Variants in FAM120A observed in about 807,000 individuals in gnomAD.
FAM120A encodes family with sequence similarity 120 member A.
FAM120A carries 15 observed loss-of-function variants against 109.7 expected under a neutral mutation model. That is an observed-to-expected ratio of 0.14 (90% CI 0.09 to 0.21). FAM120A has a LOEUF of 0.21. Among genes scored for constraint, FAM120A ranks in the 10% least tolerant of loss-of-function variants. The pLI is 1.00. For synonymous variants in FAM120A, 493 were observed against 572.8 expected (o/e 0.86, Z 1.99); for missense variants, 899 against 1,439.3 (o/e 0.62, Z 6.07).
At chr9:93,517,819 C>A (rs1314511303) in intron 7 of FAM120A, among the ~76,000 whole-genome samples, 1 of 151,998 alleles carries the variant, frequency 6.6e-6, no homozygotes, top group Non-Finnish European at 1.5e-5. Flanking sequence ...TGTGAGTTGC[C>A]CATCTAATTT....
Position 93,556,471 on chromosome 9 carries a change from A to G in FAM120A, c.2364A>G (p.Gly788=). ...DMALFANDAC[G]QPIPWEHCCP... Reference sequence around the variant, plus strand: ...CCTTGTTTGCAAATGATGCATGCGGACAGCCAATCCCCTGGGAACACTGTT... The same window carrying G: ...CCTTGTTTGCAAATGATGCATGCGGGCAGCCAATCCCCTGGGAACACTGTT... The change falls in exon 13 of 18, where the codon GGA becomes GGG. Residue 788 remains glycine, a synonymous_variant. Coordinates refer to ENST00000277165, the MANE Select transcript of FAM120A (RefSeq NM_014612.5). 6.2e-7 allele frequency: 1 copy of G among 1,614,212 alleles called. No individual in the cohort carries two copies. Among genetic ancestry groups the G allele is most frequent in the Non-Finnish European group, 8.5e-7 (1 of 1,180,048 alleles).
rs943444812 is a variant in FAM120A, at chr9:93,497,345, A to G, written c.805-126A>G. On this transcript the variant is annotated intron_variant, in intron 3 of 17. Transcript: ENST00000277165. Reference sequence around the variant, plus strand: ...CTTAGGGCCAAGATCTTACAAGTGGACAATCATTGGGCACTGATAAGATCT... The same window carrying G: ...CTTAGGGCCAAGATCTTACAAGTGGGCAATCATTGGGCACTGATAAGATCT... The G allele has an allele frequency of 4.2e-6, 5 of 1,200,458 alleles. No homozygotes were observed. The African/African-American group carries it at 4.6e-5, about 11-fold the overall frequency. The allele number at this position is 1,200,458 out of a possible 1,614,324, so 74.4% of individuals were successfully genotyped here.
chr9:93,537,251 G>A (rs890012548), intron 10 of FAM120A, among the ~76,000 whole-genome samples: 6 of 152,180 alleles, frequency 3.9e-5, no homozygotes, highest in Admixed American at 3.9e-4. Context: ...CCCAGTCACT[G>A]GGGTTCTTTC....
At chr9:93,537,376 G>T (rs550478747) in intron 10 of FAM120A, among the ~76,000 whole-genome samples, 2 of 152,240 alleles carry the variant, frequency 1.3e-5, no homozygotes, top group South Asian at 2.1e-4. Context: ...TAATTGAAGA[G>T]CGCAAAGTTC....
At chr9:93,473,582 G>A (rs1858409084) in intron 2 of FAM120A, among the ~76,000 whole-genome samples, 1 of 152,214 alleles carries the variant, frequency 6.6e-6, no homozygotes, top group Non-Finnish European at 1.5e-5. Context: ...AAAGTGCTGG[G>A]ATTACAGGCA....
intron 1 of FAM120A, among the ~76,000 whole-genome samples, chr9:93,455,064 G>T (rs1403874482): frequency 3.3e-5 from 5 of 152,120 alleles, no homozygotes; most frequent in African/African-American, 1.2e-4. Flanking sequence ...GAAGACTTTT[G>T]TTTGTGCAAA....
At chr9:93,548,386 A>G (rs999605683) in intron 11 of FAM120A, among the ~76,000 whole-genome samples, 2 of 152,118 alleles carry the variant, frequency 1.3e-5, no homozygotes, top group African/African-American at 2.4e-5. Context: ...CTGGGATTAC[A>G]ACATTTTAAA....
intron 3 of FAM120A, among the ~76,000 whole-genome samples, chr9:93,477,941 C>T (rs982372515): frequency 9.9e-5 from 15 of 152,032 alleles, no homozygotes; most frequent in African/African-American, 3.6e-4. Flanking sequence ...TCCGTATATC[C>T]CCCATCTTGG....
At chr9:93,543,583 T>G (rs1588900099) in intron 11 of FAM120A, 112 bp downstream of exon 11, 1 of 1,357,242 alleles carries the variant, frequency 7.4e-7, no homozygotes, top group Non-Finnish European at 9.9e-7. Flanking sequence ...TGATCAATCA[T>G]GTTGAAATTT....
At chr9:93,563,755 G>A (rs986323747) in intron 17 of FAM120A, among the ~76,000 whole-genome samples, 1 of 152,202 alleles carries the variant, frequency 6.6e-6, no homozygotes, top group Non-Finnish European at 1.5e-5. Flanking sequence ...TCACAAACAC[G>A]TGGCAATTAT....
intron 5 of FAM120A, among the ~76,000 whole-genome samples, chr9:93,510,432 A>G (rs1860264634): frequency 6.6e-6 from 1 of 152,188 alleles, no homozygotes; most frequent in African/African-American, 2.4e-5. Flanking sequence ...GTATTTGTTA[A>G]TGGCGTTTCA....
At chr9:93,488,799 C>A (rs1859184264) in intron 3 of FAM120A, among the ~76,000 whole-genome samples, 1 of 152,034 alleles carries the variant, frequency 6.6e-6, no homozygotes, top group Admixed American at 6.6e-5. Context: ...CACATCCTCT[C>A]CTTACTTCTG....
intron 10 of FAM120A, among the ~76,000 whole-genome samples, chr9:93,541,538 G>A (rs1861701344): frequency 1.3e-5 from 2 of 152,220 alleles, no homozygotes; most frequent in Admixed American, 6.5e-5. Flanking sequence ...AAACAAATAA[G>A]CATGTATTTA....
rs1339231003 is a variant in FAM120A, at chr9:93,451,975, G to C, written c.60G>C (p.Pro20=). The C allele has an allele frequency of 1.9e-6, 3 of 1,543,074 alleles. No homozygotes were observed. Among genetic ancestry groups the C allele is most frequent in the South Asian group, 1.2e-5 (1 of 83,822 alleles). The stretch of plus-strand genomic sequence containing the variant: ...AGCACTGCCCGAGCGCCGTGGTGCC[G>C]GTGGAGCTGCAGAAGCTGGCCCGGG... ...IEKHCPSAVV[P]VELQKLARGS... Residue 20 remains proline, a synonymous_variant, in exon 1 of 18, where the codon CCG becomes CCC. Coordinates refer to ENST00000277165, the MANE Select transcript of FAM120A (RefSeq NM_014612.5).
chr9:93,532,202 C>T lies in FAM120A; in HGVS notation c.1782C>T (p.Asp594=), dbSNP rs886962132. The T allele has an allele frequency of 1.2e-6, 2 of 1,614,076 alleles. No individual in the cohort carries two copies. The highest frequency in any genetic ancestry group is 1.7e-6 in the Non-Finnish European group (2 of 1,180,022). The part of the protein sequence containing the change: ...AVSIEDEANK[D]LPPAALLYRP... The stretch of plus-strand genomic sequence containing the variant: ...CTATTGAAGATGAAGCCAACAAGGA[C>T]CTGCCTCCGGCCGCTCTGCTCTATA... Residue 594 remains aspartate (D), a synonymous_variant, in exon 10 of 18, where the codon GAC becomes GAT. Coordinates refer to ENST00000277165, the MANE Select transcript of FAM120A (RefSeq NM_014612.5). This position sits in a 1 kb window ranked among gnomAD's most constrained non-coding sequence, Gnocchi z 4.3.
chr9:93,560,520 A>G (rs1862432977), intron 15 of FAM120A, among the ~76,000 whole-genome samples: 2 of 152,228 alleles, frequency 1.3e-5, no homozygotes, highest in African/African-American at 4.8e-5. Context: ...AGAAAACAAG[A>G]TGCTTGGGGC....
chr9:93,553,977 A>C (rs997121688), intron 12 of FAM120A, among the ~76,000 whole-genome samples: 4 of 152,196 alleles, frequency 2.6e-5, no homozygotes, highest in Admixed American at 6.5e-5. Context: ...TCAAGATTTT[A>C]TTCAGATTGT....
intron 2 of FAM120A, among the ~76,000 whole-genome samples, 158 bp downstream of exon 2, chr9:93,471,545 A>G (rs1215802670): frequency 6.6e-6 from 1 of 152,134 alleles, no homozygotes; most frequent in Non-Finnish European, 1.5e-5. Flanking sequence ...GCTTCGTATT[A>G]TTTTTTGGCA....
chr9:93,561,658 G>T (rs930710079), intron 16 of FAM120A, among the ~76,000 whole-genome samples: 32 of 152,160 alleles, frequency 2.1e-4, no homozygotes, highest in Admixed American at 6.5e-5. Context: ...GCCTTGCAAA[G>T]TGCTGGGATT....
Sources: allele counts gnomAD v4.1 joint callset (sites outside exome capture counted in the v4.1 genomes callset), GRCh38; gene constraint gnomAD v4.1.1; non-coding constraint Gnocchi (gnomAD v3.1); transcripts MANE v1.5; gene names NCBI Gene and HGNC (gene_info 2026-07-23, HGNC 2026-07-21).